Variants in AGBL1 observed in about 807,000 individuals in gnomAD.
The protein encoded by AGBL1 is cytosolic carboxypeptidase 4.
Under a neutral mutation model 118.9 loss-of-function variants are expected in AGBL1, and 130 were observed. The observed-to-expected ratio is 1.09, with a 90% CI of 0.95 to 1.26. AGBL1 has a LOEUF of 1.26. AGBL1 is among the 50% of genes most tolerant of loss of function. The pLI is 0.00. For synonymous variants in AGBL1, 555 were observed against 478.9 expected (o/e 1.16, Z -2.08); for missense variants, 1,584 against 1,298.1 (o/e 1.22, Z -3.38).
rs1456065617 is a variant in AGBL1 at position 86,554,313 on chromosome 15, C to T, written c.2818-48C>T. On this transcript the variant is annotated intron_variant, in intron 20 of 22. Coordinates refer to ENST00000614907, the MANE Select transcript of AGBL1 (RefSeq NM_001386094.1). ...AGAAGCTATTTTTATGATGACTATCCCTAGTCACCCACAACTAATCATCGT... is the reference window on the plus strand; with the variant it reads ...AGAAGCTATTTTTATGATGACTATCTCTAGTCACCCACAACTAATCATCGT... 9 of 1,415,136 alleles carry T rather than the reference C, an allele frequency of 6.4e-6. No individual in the cohort carries two copies. The African/African-American group carries it at 7.3e-5, about 11-fold the overall frequency. The allele number at this position is 1,415,136 out of a possible 1,614,324, so 87.7% of individuals were successfully genotyped here.
chr15:86,528,245 G>A (rs1406906275), intron 19 of AGBL1, among the ~76,000 whole-genome samples: 1 of 152,194 alleles, frequency 6.6e-6, no homozygotes, highest in Non-Finnish European at 1.5e-5. Context: ...AGGCCAGTGG[G>A]TGCACGCACC....
chr15:86,310,413 A>G (rs555988961), intron 17 of AGBL1, among the ~76,000 whole-genome samples: 13 of 152,130 alleles, frequency 8.5e-5, no homozygotes, highest in Admixed American at 7.2e-4. Context: ...GGCGTTTGGC[A>G]TGATCCACAG....
intron 18 of AGBL1, among the ~76,000 whole-genome samples, chr15:86,465,474 C>G (rs773901825): frequency 1.3e-5 from 2 of 152,216 alleles, no homozygotes; most frequent in African/African-American, 2.4e-5. Context: ...TAAATTCTGA[C>G]TGCCTGCGGG....
chr15:86,105,939 C>T (rs1037297739), intron 1 of AGBL1, among the ~76,000 whole-genome samples: 1 of 152,208 alleles, frequency 6.6e-6, no homozygotes, highest in Non-Finnish European at 1.5e-5. Context: ...ACTAGTATTT[C>T]TAGAGTGACC....
intron 22 of AGBL1, among the ~76,000 whole-genome samples, chr15:86,712,454 A>G (rs2086575390): frequency 6.6e-6 from 1 of 152,088 alleles, no homozygotes; most frequent in Admixed American, 6.6e-5. Flanking sequence ...CTGAGAGATT[A>G]GGCAATTGGG....
chr15:86,475,813 GCAGC>G (rs1484858649), intron 18 of AGBL1, among the ~76,000 whole-genome samples: 1 of 152,188 alleles, frequency 6.6e-6, no homozygotes, highest in Non-Finnish European at 1.5e-5. Context: ...AATGTTAAGG[GCAGC>G]CAGAAAGAAA....
At chr15:86,693,057 G>A (rs2086199441) in intron 22 of AGBL1, among the ~76,000 whole-genome samples, 1 of 152,044 alleles carries the variant, frequency 6.6e-6, no homozygotes, top group African/African-American at 2.4e-5. Flanking sequence ...TGAGAATTGT[G>A]CTGCTATAGA....
chr15:86,557,433 G>A (rs1334890582), intron 21 of AGBL1, among the ~76,000 whole-genome samples: 2 of 152,180 alleles, frequency 1.3e-5, no homozygotes, highest in Non-Finnish European at 2.9e-5. Context: ...CTTTACCCAA[G>A]CAGGCTGTCA....
intron 21 of AGBL1, among the ~76,000 whole-genome samples, chr15:86,672,362 T>C (rs1173143532): frequency 6.6e-6 from 1 of 152,220 alleles, no homozygotes; most frequent in Non-Finnish European, 1.5e-5. Context: ...AGAAGTTGAC[T>C]GGTATGAAGG....
intron 22 of AGBL1, among the ~76,000 whole-genome samples, chr15:86,688,330 G>T (rs907371179): frequency 1.3e-5 from 2 of 152,176 alleles, no homozygotes; most frequent in Middle Eastern, 3.4e-3. Context: ...GAAGAAACTT[G>T]CCAAGAAGGA....
intron 1 of AGBL1, among the ~76,000 whole-genome samples, chr15:86,134,640 A>G: frequency 8.6e-6 from 1 of 116,020 alleles, no homozygotes; most frequent in Admixed American, 1.3e-4. Flanking sequence ...TTGAGATGGC[A>G]TCTCACTCTG....
chr15:86,750,818 G>A (rs576280056), intron 22 of AGBL1, among the ~76,000 whole-genome samples: 4 of 122,350 alleles, frequency 3.3e-5, no homozygotes, highest in South Asian at 2.6e-4. Flanking sequence ...AGGCCCCAGC[G>A]TGTGTGTTGT....
At position 86,713,396 on chromosome 15, in the gene AGBL1, A is replaced by G. The variant is rs1264069617; in HGVS notation, c.3158+38960A>G. Among the ~76,000 whole-genome samples, 8 of 152,264 alleles carry G rather than the reference A, an allele frequency of 5.3e-5. No homozygotes were observed. In the South Asian group the frequency reaches 1.7e-3, roughly 32 times the overall value. On this transcript the variant is annotated intron_variant, in intron 22 of 22. Transcript: ENST00000614907. ...CTTACTTTCTAAAATATACAAATCC[A>G]TATTTAAGTTGATTTTTAATTAATT...
chr15:86,165,890 T>A (rs1177444623), intron 5 of AGBL1, among the ~76,000 whole-genome samples: 1 of 152,168 alleles, frequency 6.6e-6, no homozygotes, highest in African/African-American at 2.4e-5. Context: ...GCAACCTGAC[T>A]CCAAGCCTGT....
intron 22 of AGBL1, among the ~76,000 whole-genome samples, chr15:86,703,653 T>C (rs928751944): frequency 1.3e-5 from 2 of 152,064 alleles, no homozygotes; most frequent in Non-Finnish European, 2.9e-5. Flanking sequence ...GGGGATGGTT[T>C]TTTCCCATGC....
intron 17 of AGBL1, among the ~76,000 whole-genome samples, chr15:86,375,369 G>A (rs1036415953): frequency 6.6e-6 from 1 of 152,046 alleles, no homozygotes; most frequent in African/African-American, 2.4e-5. Flanking sequence ...ACCAGATCTT[G>A]TAAGAACTCA....
chr15:86,227,946 T>A (rs1039256324), intron 6 of AGBL1, among the ~76,000 whole-genome samples: 1 of 152,186 alleles, frequency 6.6e-6, no homozygotes, highest in African/African-American at 2.4e-5. Context: ...ATGTTTAAGC[T>A]CAGCAAGAAA....
intron 21 of AGBL1, among the ~76,000 whole-genome samples, chr15:86,609,461 C>T (rs2084628164): frequency 1.3e-5 from 2 of 152,142 alleles, no homozygotes; most frequent in South Asian, 2.1e-4. Context: ...CTTTCTATAT[C>T]AGTAGCTGTG....
chr15:86,094,679 C>G (rs1442971304), intron 1 of AGBL1, among the ~76,000 whole-genome samples: 2 of 152,178 alleles, frequency 1.3e-5, no homozygotes, highest in Non-Finnish European at 2.9e-5. Context: ...TACACCTTCT[C>G]CCCTGCATCA....
Sources: allele counts gnomAD v4.1 joint callset (sites outside exome capture counted in the v4.1 genomes callset), GRCh38; gene constraint gnomAD v4.1.1; transcripts MANE v1.5; gene names NCBI Gene and HGNC (gene_info 2026-07-23, HGNC 2026-07-21).